The following COL6A2 variants were observed in gnomAD, a reference collection of about 807,000 sequenced individuals.
The protein encoded by COL6A2 is collagen alpha-2(VI) chain.
In COL6A2, 90 loss-of-function variants were observed where a neutral mutation model predicts 124.9. The observed-to-expected ratio is 0.72, with a 90% CI of 0.61 to 0.86. The LOEUF is 0.86. COL6A2 is among the 40% of genes least tolerant of loss of function. The pLI is 0.00. For synonymous variants in COL6A2, 793 were observed against 618.2 expected (o/e 1.28, Z -4.19); for missense variants, 1,607 against 1,502.5 (o/e 1.07, Z -1.15).
At position 46,122,099 on chromosome 21, in the gene COL6A2, C is replaced by A. The variant is rs371576207; in HGVS notation, c.1522-9C>A. ...TGACCATGCTGACCGACTCAACGTC[C>A]TCCTCCAGGGAGACCCCGGCAGGCC... On this transcript the variant is annotated splice_polypyrimidine_tract_variant and intron_variant, in intron 18 of 27. Coordinates refer to ENST00000300527, the MANE Select transcript of COL6A2 (RefSeq NM_001849.4). 6.2e-6 allele frequency: 10 copies of A among 1,612,476 alleles called. No homozygotes were observed. Among genetic ancestry groups the A allele is most frequent in the Non-Finnish European group, 8.5e-6 (10 of 1,179,914 alleles).
intron 1 of COL6A2, among the ~76,000 whole-genome samples, 197 bp from the exon 2 acceptor site, chr21:46,111,253 C>G (rs2078394223): frequency 6.6e-6 from 1 of 152,222 alleles, no homozygotes; most frequent in Non-Finnish European, 1.5e-5. Context: ...GTGACCCCAC[C>G]CAGGGTGGGG....
At chr21:46,126,387 G>A (rs2078668376) in intron 26 of COL6A2, 116 bp from the exon 27 acceptor site, 1 of 1,534,736 alleles carries the variant, frequency 6.5e-7, no homozygotes, top group Non-Finnish European at 9.0e-7. Flanking sequence ...CCCTCTCGGG[G>A]CTGCAGGGCA....
At chr21:46,123,982 GGGATGGGTAGGT>G (rs2078615771) in intron 21 of COL6A2, among the ~76,000 whole-genome samples, 2 of 141,088 alleles carry the variant, frequency 1.4e-5, no homozygotes, top group Non-Finnish European at 3.1e-5. Context: ...AGTGAGTGGG[GGGATGGGTAGGT>G]GGGTGGATGG....
rs531554311 is a variant in COL6A2 at position 46,119,225 on chromosome 21, G to A, written c.1269+106G>A. 43 of 879,732 alleles carry A rather than the reference G, an allele frequency of 4.9e-5. No homozygotes were observed. In the South Asian group the frequency reaches 6.1e-4, roughly 13 times the overall value. 54.5% of individuals were successfully genotyped at this position (879,732 alleles called of 1,614,324 possible). A position where few individuals can be genotyped will look rare whatever the true frequency, so the allele number is the denominator to read the frequency against. On this transcript the variant is annotated intron_variant, in intron 14 of 27. Transcript: ENST00000300527. ...ACCTGGGCTGTAGGCAGGATCCCCT[G>A]CTGGCAAGGCACAGCCAGGCCCCCA...
intron 21 of COL6A2, among the ~76,000 whole-genome samples, chr21:46,123,968 TGTGA>T (rs151008479): frequency 0.069 from 8,549 of 123,992 alleles, 306 homozygotes; most frequent in Middle Eastern, 0.18. Flanking sequence ...TAGATGGGTA[TGTGA>T]GTGAGTGGGG....
chr21:46,108,223 C>T (rs1601209588), intron 1 of COL6A2, among the ~76,000 whole-genome samples: 2 of 151,894 alleles, frequency 1.3e-5, no homozygotes, highest in South Asian at 4.1e-4. Flanking sequence ...TTTATTTTTA[C>T]TGTCTTATTG....
chr21:46,116,700 GC>G lies in COL6A2; in HGVS notation c.954+27del. ...AAGGTAGGCTGGCTGGGTAGGCAGAGCCCCTCCTTCCTGCTGCTCAGGGCAG... is the reference window on the plus strand; with the variant it reads ...AAGGTAGGCTGGCTGGGTAGGCAGAGCCCTCCTTCCTGCTGCTCAGGGCAG... On this transcript the variant is annotated intron_variant, in intron 9 of 27. Coordinates refer to ENST00000300527, the MANE Select transcript of COL6A2 (RefSeq NM_001849.4). This position sits in a 1 kb window ranked among gnomAD's most constrained non-coding sequence, Gnocchi z 4.6. 1 of 1,613,032 alleles carries G rather than the reference GC, an allele frequency of 6.2e-7. No homozygotes were observed.
chr21:46,121,510 C>G (rs377558282), intron 17 of COL6A2, 46 bp from the exon 18 acceptor site: 1 of 1,584,900 alleles, frequency 6.3e-7, no homozygotes, highest in Non-Finnish European at 8.7e-7. Context: ...CTGGGCATGG[C>G]CAGTCCCTGC....
intron 27 of COL6A2, among the ~76,000 whole-genome samples, chr21:46,131,594 G>A (rs1433887749): frequency 6.6e-6 from 1 of 152,190 alleles, no homozygotes; most frequent in Non-Finnish European, 1.5e-5. Context: ...CACAGACAGT[G>A]GCCCTTTTGT....
chr21:46,115,883 C>T lies in COL6A2; in HGVS notation c.813C>T (p.Gly271=), dbSNP rs978032686. 2 of 1,612,800 alleles carry T rather than the reference C, an allele frequency of 1.2e-6. No homozygotes were observed. Among genetic ancestry groups the T allele is most frequent in the African/African-American group, 2.7e-5 (2 of 74,904 alleles). ...TTCTCTGCTTTTAGGGTGCCAAGGG[C>T]AACATGGGTGAGCCGGGAGAGCCTG... ...KGYRGQKGAK[G]NMGEPGEPGQ... The change falls in exon 6 of 28, where the codon GGC becomes GGT. Residue 271 remains glycine, a synonymous_variant. Coordinates refer to ENST00000300527, the MANE Select transcript of COL6A2 (RefSeq NM_001849.4).
intron 1 of COL6A2, among the ~76,000 whole-genome samples, chr21:46,102,901 G>A (rs1309740139): frequency 6.6e-6 from 1 of 151,824 alleles, no homozygotes; most frequent in Non-Finnish European, 1.5e-5. Context: ...CAATATCTTT[G>A]TCTGGTATTG....
chr21:46,111,192 A>G (rs2078393439), intron 1 of COL6A2, among the ~76,000 whole-genome samples: 2 of 152,186 alleles, frequency 1.3e-5, no homozygotes, highest in African/African-American at 4.8e-5. Context: ...AAGGGCCTCA[A>G]CCATCCAAAT....
rs545974833 is a variant in COL6A2 at position 46,125,327 on chromosome 21, C to T, written c.1816+16C>T. The T allele has an allele frequency of 7.3e-5, 117 of 1,608,212 alleles. No individual in the cohort carries two copies. Among genetic ancestry groups the T allele is most frequent in the African/African-American group, 2.3e-4 (17 of 74,964 alleles). ...GGGTGCTGCGGTGAGGCACTGCCCA[C>T]GGCAGGGTCGGGGCCCATGCACCGG... On this transcript the variant is annotated intron_variant, in intron 24 of 27. Transcript: ENST00000300527.
rs548194162 is a variant in COL6A2 at position 46,132,363 on chromosome 21, G to C, written c.2871G>C (p.Leu957=). 2.7e-5 allele frequency: 43 copies of C among 1,608,796 alleles called. No homozygotes were observed. Among genetic ancestry groups the C allele is most frequent in the Admixed American group, 3.3e-5 (2 of 59,994 alleles). The change falls in exon 28 of 28, where the codon CTG becomes CTC. Residue 957 remains leucine, a synonymous_variant. Transcript: ENST00000300527. Reference sequence around the variant, plus strand: ...ACGGCGTCACGGGCAACGACAGTCTGCACGAGTCGGCGCACTCCATGCGCA... The same window carrying C: ...ACGGCGTCACGGGCAACGACAGTCTCCACGAGTCGGCGCACTCCATGCGCA... ...LTDGVTGNDS[L]HESAHSMRKQ...
chr21:46,125,873 C>T lies in COL6A2; in HGVS notation c.2058C>T (p.Ser686=), dbSNP rs370558215. The T allele has an allele frequency of 5.5e-5, 88 of 1,612,990 alleles. No homozygotes were observed. Among genetic ancestry groups the T allele is most frequent in the Non-Finnish European group, 7.3e-5 (86 of 1,180,012 alleles). ...ACGAACGTATCGACTCCCTGTCGAG[C>T]TTCAAGGAGGCTGTCAAGAACCTCG... The part of the protein sequence containing the change: ...LDDERIDSLS[S]FKEAVKNLEW... The change falls in exon 26 of 28, where the codon AGC becomes AGT. Residue 686 remains serine (S), a synonymous_variant. Coordinates refer to ENST00000300527, the MANE Select transcript of COL6A2 (RefSeq NM_001849.4).
At chr21:46,113,949 C>T (rs2078437259) in intron 4 of COL6A2, 59 bp from the exon 5 acceptor site, 14 of 1,420,612 alleles carry the variant, frequency 9.9e-6, no homozygotes, top group Admixed American at 8.4e-5. Context: ...GAGACCCTGC[C>T]CTGCCACCTG....
rs751512535 is a variant in COL6A2 at position 46,132,107 on chromosome 21, C to T, written c.2615C>T (p.Pro872Leu). The change falls in exon 28 of 28, where the codon CCT becomes CTT. Residue 872 changes from proline (P) to leucine (L), a missense_variant. Around this residue, in one of 3 missense-constraint regions of COL6A2, gnomAD observed 1,223 missense variants for 1,052.2 expected, o/e 1.16. Coordinates refer to ENST00000300527, the MANE Select transcript of COL6A2 (RefSeq NM_001849.4). ...RLTLARRDDD[P>L]LNARVALLQF... ...ACGCTGGCCCGGAGGGACGACGACC[C>T]TCTCAACGCACGCGTGGCGCTGCTG... The T allele has an allele frequency of 2.5e-6, 4 of 1,591,222 alleles. No individual in the cohort carries two copies. The highest frequency in any genetic ancestry group is 3.4e-6 in the Non-Finnish European group (4 of 1,171,592).
rs892110929 is a variant in COL6A2, at chr21:46,121,185, G to A, written c.1458+62G>A. 35 of 1,510,458 alleles carry A rather than the reference G, an allele frequency of 2.3e-5. No individual in the cohort carries two copies. The South Asian group carries it at 2.5e-4, about 11-fold the overall frequency. The allele number at this position is 1,510,458 out of a possible 1,614,324, so 93.6% of individuals were successfully genotyped here. On this transcript the variant is annotated intron_variant, in intron 17 of 27. Coordinates refer to ENST00000300527, the MANE Select transcript of COL6A2 (RefSeq NM_001849.4). ...CCACGGGTGGGTCTCCCCTATCCAT[G>A]TGGGGACAGCCTGGAGCTAGCCACT...
intron 23 of COL6A2, among the ~76,000 whole-genome samples, 157 bp downstream of exon 23, chr21:46,125,077 G>T (rs1451010497): frequency 6.6e-6 from 1 of 152,200 alleles, no homozygotes; most frequent in East Asian, 1.9e-4. Flanking sequence ...GTTGGGGAAG[G>T]TCACAGGGCA....
Sources: allele counts gnomAD v4.1 joint callset (sites outside exome capture counted in the v4.1 genomes callset), GRCh38; gene constraint gnomAD v4.1.1; regional missense constraint gnomAD v4.1.1; non-coding constraint Gnocchi (gnomAD v3.1); transcripts MANE v1.5; gene names NCBI Gene and HGNC (gene_info 2026-07-23, HGNC 2026-07-21).